The following NOSTRIN variants were observed in gnomAD, a reference collection of about 807,000 sequenced individuals.
NOSTRIN encodes the protein nitric oxide synthase trafficking.
A neutral mutation model predicts 59.0 loss-of-function variants in NOSTRIN; 63 were observed. The observed-to-expected ratio is 1.07, with a 90% CI of 0.87 to 1.32. NOSTRIN has a LOEUF of 1.32. Among genes scored for constraint, NOSTRIN ranks in the 40% most tolerant of loss-of-function variants. The pLI, the probability that NOSTRIN is intolerant of heterozygous loss-of-function variation, is 0.00. For synonymous variants in NOSTRIN, 200 were observed against 165.4 expected (o/e 1.21, Z -1.61); for missense variants, 512 against 473.1 (o/e 1.08, Z -0.76).
At chr2:168,834,373 A>T in intron 7 of NOSTRIN, 48 bp downstream of exon 7, 1 of 848,858 alleles carries the variant, frequency 1.2e-6, no homozygotes, top group South Asian at 1.3e-5. Context: ...AGAGGGATGG[A>T]CTTGCTGCCC....
intron 7 of NOSTRIN, among the ~76,000 whole-genome samples, chr2:168,836,257 C>T (rs1687717250): frequency 6.6e-6 from 1 of 152,150 alleles, no homozygotes; most frequent in African/African-American, 2.4e-5. Context: ...TCTGAGTGCT[C>T]ATTAGAAGCT....
intron 6 of NOSTRIN, among the ~76,000 whole-genome samples, chr2:168,832,159 C>CT (rs1687403097): frequency 6.6e-6 from 1 of 152,012 alleles, no homozygotes; most frequent in South Asian, 2.1e-4. Context: ...CAACACTATT[C>CT]TAAGACATAA....
chr2:168,851,978 C>T (rs1033072224), intron 10 of NOSTRIN, among the ~76,000 whole-genome samples: 6 of 152,158 alleles, frequency 3.9e-5, no homozygotes, highest in Admixed American at 2.0e-4. Context: ...CTCCAGTCCT[C>T]GCTGCTGTTG....
chr2:168,796,582 T>TGC (rs1685484292), upstream of NOSTRIN, among the ~76,000 whole-genome samples: 1 of 152,218 alleles, frequency 6.6e-6, no homozygotes, highest in South Asian at 2.1e-4. Context: ...AACTTATTCT[T>TGC]AACATTAGGG....
chr2:168,814,520 G>A (rs1389757985), intron 2 of NOSTRIN, among the ~76,000 whole-genome samples: 1 of 152,140 alleles, frequency 6.6e-6, no homozygotes, highest in East Asian at 1.9e-4. Context: ...TACCTGGAAA[G>A]CCATTACTCT....
chr2:168,821,099 G>T (rs1343483472), intron 2 of NOSTRIN, among the ~76,000 whole-genome samples: 1 of 152,174 alleles, frequency 6.6e-6, no homozygotes, highest in Non-Finnish European at 1.5e-5. Flanking sequence ...TATTAAGGAT[G>T]ATTTTTGTGC....
intron 2 of NOSTRIN, among the ~76,000 whole-genome samples, chr2:168,818,807 C>A (rs1364411000): frequency 6.6e-6 from 1 of 151,052 alleles, no homozygotes; most frequent in African/African-American, 2.4e-5. Context: ...CATGTCACTT[C>A]CTTGGTCCAG....
chr2:168,830,697 A>G (rs1224044343), intron 5 of NOSTRIN, among the ~76,000 whole-genome samples: 3 of 152,220 alleles, frequency 2.0e-5, no homozygotes, highest in African/African-American at 4.8e-5. Flanking sequence ...GAAAAAGTTA[A>G]TTATGATTAA....
intron 1 of NOSTRIN, among the ~76,000 whole-genome samples, chr2:168,803,595 A>G (rs1484021236): frequency 6.6e-6 from 1 of 152,212 alleles, no homozygotes; most frequent in Non-Finnish European, 1.5e-5. Flanking sequence ...GAAAAAATGG[A>G]ACTATAGTTA....
intron 8 of NOSTRIN, among the ~76,000 whole-genome samples, chr2:168,848,226 A>G (rs1157740585): frequency 1.3e-5 from 2 of 152,262 alleles, no homozygotes; most frequent in African/African-American, 4.8e-5. Context: ...GAAGCAAAAC[A>G]TTTGATAGGC....
At chr2:168,836,955 C>G (rs998472494) in intron 7 of NOSTRIN, among the ~76,000 whole-genome samples, 4 of 152,200 alleles carry the variant, frequency 2.6e-5, no homozygotes, top group Non-Finnish European at 5.9e-5. Context: ...GTGGCTTCAA[C>G]AGCAGACATT....
intron 7 of NOSTRIN, among the ~76,000 whole-genome samples, chr2:168,842,107 G>A (rs1688143044): frequency 6.6e-6 from 1 of 152,170 alleles, no homozygotes; most frequent in Non-Finnish European, 1.5e-5. Flanking sequence ...AAAGGCAGGG[G>A]AAAGTGAGAC....
chr2:168,802,196 A>G (rs1685635494), upstream of NOSTRIN, among the ~76,000 whole-genome samples: 1 of 152,112 alleles, frequency 6.6e-6, no homozygotes, highest in African/African-American at 2.4e-5. Context: ...ACCCTCAGAG[A>G]GGCAGTCTGT....
chr2:168,811,678 T>C (rs766551545), intron 2 of NOSTRIN, 26 bp downstream of exon 2: 1 of 815,062 alleles, frequency 1.2e-6, no homozygotes, highest in Non-Finnish European at 2.1e-6. Context: ...TTGCAATAAA[T>C]GGTTCTTCCT....
chr2:168,794,646 C>T (rs1685436332), upstream of NOSTRIN, among the ~76,000 whole-genome samples: 1 of 152,224 alleles, frequency 6.6e-6, no homozygotes, highest in Non-Finnish European at 1.5e-5. Flanking sequence ...CTACCACGCC[C>T]AGCCCAGCGG....
chr2:168,792,108 T>A (rs1685371559), intron 2 of NOSTRIN, among the ~76,000 whole-genome samples: 1 of 152,220 alleles, frequency 6.6e-6, no homozygotes, highest in African/African-American at 2.4e-5. Flanking sequence ...AGGGTTTTTA[T>A]GGTTTTAGGT....
rs770352848 is a variant in NOSTRIN, at chr2:168,855,456, G to A, written c.960G>A (p.Lys320=). 3 of 1,587,830 alleles carry A rather than the reference G, an allele frequency of 1.9e-6. No individual in the cohort carries two copies. Among genetic ancestry groups the A allele is most frequent in the African/African-American group, 1.3e-5 (1 of 74,346 alleles). ...QRDIEKASKD[K]EGLERMLKTY... is the part of the protein sequence containing the mutation. ...ACATTGAAAAAGCCTCAAAAGACAA[G>A]GAAGGTGTGTAACCATCTCTTTGAA... The change falls in exon 11 of 16, where the codon AAG becomes AAA. Residue 320 remains lysine (K), a synonymous_variant. Transcript: ENST00000317647.
At chr2:168,811,505 T>A (rs1686131855) in intron 1 of NOSTRIN, 62 bp from the exon 2 acceptor site, 2 of 640,406 alleles carry the variant, frequency 3.1e-6, no homozygotes, top group African/African-American at 3.8e-5. Flanking sequence ...AGGTGCTCTA[T>A]CTTCGGAGTT....
intron 2 of NOSTRIN, chr2:168,812,177 A>C (rs1022600440): frequency 6.6e-6 from 1 of 152,204 alleles, no homozygotes; most frequent in African/African-American, 2.4e-5. Context: ...AAATGAGCAC[A>C]TTTAACTCAG....
Sources: gnomAD v4.1 joint callset for allele counts (sites outside exome capture counted in the v4.1 genomes callset) on GRCh38, gnomAD v4.1.1 for gene constraint, MANE v1.5 for transcripts, NCBI Gene and HGNC (gene_info 2026-07-23, HGNC 2026-07-21) for gene names.